Variants in PCDH15 observed in about 807,000 individuals in gnomAD.
PCDH15 encodes the protein protocadherin related 15.
Under a neutral mutation model 178.5 loss-of-function variants are expected in PCDH15, and 129 were observed. The ratio of observed to expected loss-of-function variants is 0.72; its 90% CI spans 0.63 to 0.84. The LOEUF (loss-of-function observed/expected upper bound fraction) is 0.84, where lower values mean the gene tolerates loss of function less well. Among genes scored for constraint, PCDH15 ranks in the 40% least tolerant of loss-of-function variants. PCDH15 has a pLI of 0.00. For synonymous variants in PCDH15, 800 were observed against 732.0 expected (o/e 1.09, Z -1.50); for missense variants, 2,230 against 2,099.9 (o/e 1.06, Z -1.21).
At chr10:55,481,924 T>C (rs1456286937) in intron 2 of PCDH15, among the ~76,000 whole-genome samples, 1 of 151,794 alleles carries the variant, frequency 6.6e-6, no homozygotes. Flanking sequence ...ATACTGTCAG[T>C]GGGGTGTTAA....
At chr10:54,697,705 G>GAGGGAGGA (rs1411216639) in intron 1 of PCDH15, among the ~76,000 whole-genome samples, 3 of 80,078 alleles carry the variant, frequency 3.7e-5, no homozygotes, top group African/African-American at 1.2e-4. Flanking sequence ...GGGAGGAAGG[G>GAGGGAGGA]AGGGAGGAAG....
intron 2 of PCDH15, among the ~76,000 whole-genome samples, chr10:55,503,177 G>T (rs893126664): frequency 6.6e-6 from 1 of 151,096 alleles, no homozygotes; most frequent in African/African-American, 2.4e-5. Flanking sequence ...AGGTTTCAGA[G>T]TGGGACTATC....
intron 26 of PCDH15, among the ~76,000 whole-genome samples, chr10:53,899,185 G>A (rs921896171): frequency 6.6e-6 from 1 of 151,420 alleles, no homozygotes; most frequent in African/African-American, 2.4e-5. Flanking sequence ...CTTCTGTAAG[G>A]GTAGAGAGAG....
chr10:54,450,860 A>G (rs1245352406), intron 3 of PCDH15, among the ~76,000 whole-genome samples: 1 of 151,938 alleles, frequency 6.6e-6, no homozygotes, highest in Non-Finnish European at 1.5e-5. Context: ...CAATTAAAAT[A>G]TAACATAGCT....
intron 8 of PCDH15, among the ~76,000 whole-genome samples, chr10:54,298,770 A>T (rs1324868536): frequency 2.0e-5 from 3 of 152,196 alleles, no homozygotes; most frequent in African/African-American, 7.2e-5. Context: ...GGACACTGGC[A>T]TAGCCTTCTC....
chr10:54,837,267 A>G (rs942567007), intron 3 of PCDH15, among the ~76,000 whole-genome samples: 5 of 152,154 alleles, frequency 3.3e-5, no homozygotes, highest in Non-Finnish European at 5.9e-5. Context: ...CAGTCAGGAC[A>G]TTGTTTTTGT....
chr10:53,964,393 A>ATTTATTCATAAAATTTTTATAAAT (rs2088731809), intron 21 of PCDH15, among the ~76,000 whole-genome samples: 5 of 144,430 alleles, frequency 3.5e-5, no homozygotes, highest in South Asian at 2.1e-4. Context: ...TATAAATTTT[A>ATTTATTCATAAAATTTTTATAAAT]TTTATTCATA....
intron 1 of PCDH15, among the ~76,000 whole-genome samples, chr10:55,301,980 T>G (rs1425067226): frequency 1.3e-5 from 2 of 152,160 alleles, no homozygotes; most frequent in Admixed American, 6.6e-5. Flanking sequence ...CTGTCTTGAT[T>G]ATCGTGACTA....
Position 54,317,272 on chromosome 10 carries a change from G to C in PCDH15, c.875C>G (p.Pro292Arg), listed in dbSNP as rs138744579. The C allele has an allele frequency of 5.6e-6, 9 of 1,612,232 alleles. No homozygotes were observed. The highest frequency in any genetic ancestry group is 7.6e-6 in the Non-Finnish European group (9 of 1,178,460). ...YQAAIPELRT[P>R]EELNPIIVTP... ...GGAGAAAGATAAGAGTATATTTACC[G>C]GAGTTCTCAACTCAGGTATGGCAGC... is the stretch of plus-strand genomic sequence containing the variant. Residue 292 changes from proline (P) to arginine (R), a missense_variant and splice_region_variant, in exon 8 of 38, where the codon CCG becomes CGG. Physicochemically the swap from Pro to Arg is moderately radical, Grantham distance 103 (BLOSUM62 -2). Transcript: ENST00000644397.
chr10:55,232,669 A>G (rs1488779445), intron 1 of PCDH15, among the ~76,000 whole-genome samples: 1 of 152,104 alleles, frequency 6.6e-6, no homozygotes, highest in Non-Finnish European at 1.5e-5. Flanking sequence ...TCACTCTCTT[A>G]TCTTCTATGA....
intron 15 of PCDH15, among the ~76,000 whole-genome samples, chr10:54,128,447 G>A (rs1329823685): frequency 6.6e-6 from 1 of 152,108 alleles, no homozygotes; most frequent in Non-Finnish European, 1.5e-5. Context: ...TCTCTCCAAT[G>A]TTCTCTCCCT....
At chr10:53,995,417 A>T in intron 21 of PCDH15, 1 of 616,368 alleles carries the variant, frequency 1.6e-6, no homozygotes, top group Non-Finnish European at 2.8e-6. Context: ...AGTAATTAGT[A>T]CATTGTGCAT....
At chr10:54,139,873 G>T (rs992968452) in intron 14 of PCDH15, among the ~76,000 whole-genome samples, 8 of 152,004 alleles carry the variant, frequency 5.3e-5, no homozygotes, top group Non-Finnish European at 1.5e-5. Context: ...TATAAGAAAA[G>T]ATTTTGTATG....
intron 2 of PCDH15, among the ~76,000 whole-genome samples, chr10:55,495,778 T>A (rs1410241411): frequency 6.6e-6 from 1 of 151,830 alleles, no homozygotes; most frequent in Non-Finnish European, 1.5e-5. Context: ...AAAAGCTGTA[T>A]ACAAATGTTC....
intron 2 of PCDH15, among the ~76,000 whole-genome samples, chr10:55,052,568 T>TAAAAA (rs1841193422): frequency 9.5e-6 from 1 of 105,274 alleles, no homozygotes; most frequent in African/African-American, 4.3e-5. Context: ...AAAAAAAAGC[T>TAAAAA]AGGCATGGTG....
At chr10:55,150,263 T>C (rs1838671959) in intron 2 of PCDH15, among the ~76,000 whole-genome samples, 1 of 151,954 alleles carries the variant, frequency 6.6e-6, no homozygotes, top group Non-Finnish European at 1.5e-5. Context: ...ACAAAACATG[T>C]TTTAATGAGA....
At chr10:53,815,380 A>G (rs2076024156) in intron 35 of PCDH15, among the ~76,000 whole-genome samples, 1 of 152,192 alleles carries the variant, frequency 6.6e-6, no homozygotes, top group Non-Finnish European at 1.5e-5. Flanking sequence ...AGAAGATGAA[A>G]TTGATGTTCA....
Position 55,368,392 on chromosome 10 carries a change from AC to A in PCDH15, c.-155-201742del, listed in dbSNP as rs199618632. On this transcript the variant is annotated intron_variant, in intron 2 of 5. Transcript: ENST00000613346. ...GGGTTTATTTTGTAAATTAAAAATA[AC>A]CACATATAAAGACCCCTGAGCTGAA... 5.6e-3 allele frequency among the ~76,000 whole-genome samples: 856 copies of A among 152,236 alleles called. 10 individuals carry two copies. The highest frequency in any genetic ancestry group is 0.02 in the African/African-American group (816 of 41,572).
intron 3 of PCDH15, among the ~76,000 whole-genome samples, chr10:54,479,970 TG>T (rs2078591512): frequency 6.6e-6 from 1 of 152,066 alleles, no homozygotes; most frequent in African/African-American, 2.4e-5. Flanking sequence ...TTGATTTAGA[TG>T]AGTGTTAAAT....
Sources: allele counts gnomAD v4.1 joint callset (sites outside exome capture counted in the v4.1 genomes callset), GRCh38; gene constraint gnomAD v4.1.1; transcripts MANE v1.5; gene names NCBI Gene and HGNC (gene_info 2026-07-23, HGNC 2026-07-21).